The following CEP63 variants were observed in gnomAD, a reference collection of about 807,000 sequenced individuals.
The protein encoded by CEP63 is centrosomal protein 63.
CEP63 carries 84 observed loss-of-function variants against 89.1 expected under a neutral mutation model. The ratio of observed to expected loss-of-function variants is 0.94; its 90% confidence interval spans 0.79 to 1.13. The LOEUF (loss-of-function observed/expected upper bound fraction) is 1.13, where lower values mean the gene tolerates loss of function less well. Among genes scored for constraint, CEP63 ranks in the 50% most tolerant of loss-of-function variants. The pLI is 0.00. For missense variants in CEP63, 838 were observed against 813.3 expected (o/e 1.03, Z -0.37); for synonymous variants, 267 against 272.5 (o/e 0.98, Z 0.20).
chr3:134,587,610 C>T (rs1005879548), exon 11 of CEP63, among the ~76,000 whole-genome samples: 3 of 152,056 alleles, frequency 2.0e-5, no homozygotes, highest in Non-Finnish European at 4.4e-5. Flanking sequence ...AGGTGTCTGT[C>T]GGCCCCTACT....
chr3:134,555,619 A>C (rs1955984489), intron 12 of CEP63, among the ~76,000 whole-genome samples: 1 of 152,144 alleles, frequency 6.6e-6, no homozygotes, highest in Non-Finnish European at 1.5e-5. Context: ...CAAGGAAATA[A>C]AACAGGATAC....
the CEP63 span, among the ~76,000 whole-genome samples, chr3:134,765,608 T>C: frequency 1.3e-5 from 2 of 152,310 alleles, no homozygotes; most frequent in South Asian, 4.1e-4. Context: ...GGAGAGCATG[T>C]GTACAGATCT....
At chr3:134,712,881 G>C in the CEP63 span, among the ~76,000 whole-genome samples, 1 of 152,204 alleles carries the variant, frequency 6.6e-6, no homozygotes, top group Admixed American at 6.5e-5. Flanking sequence ...TGGGAACCAA[G>C]GGAGGCAAGG....
At chr3:134,617,501 C>T in the CEP63 span, among the ~76,000 whole-genome samples, 3 of 152,122 alleles carry the variant, frequency 2.0e-5, no homozygotes, top group South Asian at 2.1e-4. Flanking sequence ...TGACAACAAC[C>T]GAGCACAGGT....
At chr3:134,745,036 T>C in the CEP63 span, among the ~76,000 whole-genome samples, 1 of 152,194 alleles carries the variant, frequency 6.6e-6, no homozygotes, top group South Asian at 2.1e-4. Flanking sequence ...GTAGTGAACA[T>C]ACCTATCACC....
At chr3:134,631,216 C>G in the CEP63 span, among the ~76,000 whole-genome samples, 1 of 152,100 alleles carries the variant, frequency 6.6e-6, no homozygotes, top group Non-Finnish European at 1.5e-5. Flanking sequence ...GACATAAAAC[C>G]TTACTGATTC....
chr3:134,547,635 G>A (rs1326246470), intron 9 of CEP63, among the ~76,000 whole-genome samples, 163 bp downstream of exon 9: 4 of 19,836 alleles, frequency 2.0e-4, no homozygotes, highest in Non-Finnish European at 2.5e-4. Context: ...TTTTTGAGAC[G>A]GAGTCCGCTC....
At chr3:134,524,496 A>G (rs1034421420) in intron 3 of CEP63, among the ~76,000 whole-genome samples, 8 of 152,160 alleles carry the variant, frequency 5.3e-5, no homozygotes. Context: ...TTGCCCATTC[A>G]GTATGATATT....
chr3:134,612,085 A>C, the CEP63 span, among the ~76,000 whole-genome samples: 1 of 152,174 alleles, frequency 6.6e-6, no homozygotes, highest in East Asian at 1.9e-4. Context: ...TCACCTGTGG[A>C]AAGTCCGGGC....
upstream of CEP63, chr3:134,485,991 G>GGGGCCCCC: frequency 4.3e-6 from 4 of 938,170 alleles, no homozygotes; most frequent in African/African-American, 1.9e-5. Flanking sequence ...CTCCTGCCAC[G>GGGGCCCCC]CCCCCCCCCC....
chr3:134,600,731 C>G, the CEP63 span: 1 of 152,236 alleles, frequency 6.6e-6, no homozygotes, highest in Admixed American at 6.5e-5. Flanking sequence ...CTGTTCCATC[C>G]AGTCCTATGT....
At chr3:134,510,993 T>A (rs535434420) in intron 3 of CEP63, 1 of 160,952 alleles carries the variant, frequency 6.2e-6, no homozygotes, top group African/African-American at 2.4e-5. Flanking sequence ...TTTGTAATGA[T>A]TTCTGAATTC....
chr3:134,557,942 T>C (rs1295252244), intron 12 of CEP63, among the ~76,000 whole-genome samples, 200 bp from the exon 13 acceptor site: 3 of 152,206 alleles, frequency 2.0e-5, no homozygotes, highest in Non-Finnish European at 2.9e-5. Context: ...AGGAAGCCCG[T>C]TGTGCTTCTA....
Position 134,486,146 on chromosome 3 carries a change from A to T in CEP63, c.-82A>T. ...GGCAGTGGGCGGAACAAACGCGCCG[A>T]CTACAGAGGCTGGACGTAAGCTTAG... On this transcript the variant is annotated 5_prime_UTR_variant, in exon 1 of 15. Transcript: ENST00000675561. 1.0e-6 allele frequency: 1 copy of T among 985,588 alleles called. No homozygotes were observed. Among genetic ancestry groups the T allele is most frequent in the Non-Finnish European group, 1.2e-6 (1 of 830,026 alleles). The allele number at this position is 985,588 out of a possible 1,614,324, so 61.1% of individuals were successfully genotyped here.
At chr3:134,494,119 T>TTTAC (rs1196803979) in intron 1 of CEP63, among the ~76,000 whole-genome samples, 1 of 150,864 alleles carries the variant, frequency 6.6e-6, no homozygotes, top group Non-Finnish European at 1.5e-5. Context: ...TATTTATTTA[T>TTTAC]TTATTTATTT....
chr3:134,704,757 C>T, the CEP63 span, among the ~76,000 whole-genome samples: 1 of 152,230 alleles, frequency 6.6e-6, no homozygotes, highest in Admixed American at 6.5e-5. Context: ...TTTATTTGGA[C>T]TAGCTGGACA....
chr3:134,559,450 T>G (rs1281263773), intron 14 of CEP63, 21 bp downstream of exon 14: 4 of 1,601,002 alleles, frequency 2.5e-6, no homozygotes, highest in Admixed American at 1.7e-5. Flanking sequence ...TTTCTGATCT[T>G]AGTAATTTGT....
chr3:134,780,193 C>T, the CEP63 span, among the ~76,000 whole-genome samples: 1 of 152,180 alleles, frequency 6.6e-6, no homozygotes, highest in Non-Finnish European at 1.5e-5. Flanking sequence ...TTAGCTTATT[C>T]ATAGTTACTT....
chr3:134,665,223 C>T, the CEP63 span, among the ~76,000 whole-genome samples: 1 of 152,180 alleles, frequency 6.6e-6, no homozygotes, highest in African/African-American at 2.4e-5. Flanking sequence ...CACTTCCTCT[C>T]AGTGAGAAAG....
Sources: gnomAD v4.1 joint callset for allele counts (sites outside exome capture counted in the v4.1 genomes callset) on GRCh38, gnomAD v4.1.1 for gene constraint, MANE v1.5 for transcripts, NCBI Gene and HGNC (gene_info 2026-07-23, HGNC 2026-07-21) for gene names.